CSMD3: variants seen among roughly 807,000 people sequenced by gnomAD.
CSMD3 encodes the protein CUB and sushi domain-containing protein 3.
Under a neutral mutation model 435.2 loss-of-function variants are expected in CSMD3, and 177 were observed. That is an observed-to-expected ratio of 0.41 (90% CI 0.36 to 0.46). The LOEUF (loss-of-function observed/expected upper bound fraction) is 0.46, where lower values mean the gene tolerates loss of function less well. Among genes scored for constraint, CSMD3 ranks in the 20% least tolerant of loss-of-function variants. The probability of loss-of-function intolerance (pLI) is 0.34; values close to 1 mark genes in which losing one functional copy is unlikely to be tolerated. For synonymous variants in CSMD3, 1,656 were observed against 1,520.5 expected (o/e 1.09, Z -2.07); for missense variants, 4,265 against 4,504.6 (o/e 0.95, Z 1.52).
intron 53 of CSMD3, among the ~76,000 whole-genome samples, chr8:112,300,859 T>TAGCCAC (rs756721817): frequency 9.9e-5 from 15 of 152,190 alleles, no homozygotes; most frequent in Non-Finnish European, 2.1e-4. Flanking sequence ...TCAAGCTTAT[T>TAGCCAC]AGCCACACAA....
At chr8:112,743,856 A>G (rs2077369690) in intron 13 of CSMD3, among the ~76,000 whole-genome samples, 1 of 152,044 alleles carries the variant, frequency 6.6e-6, no homozygotes, top group South Asian at 2.1e-4. Flanking sequence ...CAAGTAAGAC[A>G]ATTGCCTCTC....
intron 32 of CSMD3, among the ~76,000 whole-genome samples, chr8:112,410,714 A>ATG (rs1490097312): frequency 2.1e-4 from 22 of 106,386 alleles, no homozygotes; most frequent in East Asian, 5.2e-4. Flanking sequence ...ATATATATAT[A>ATG]TGTATATATA....
intron 17 of CSMD3, among the ~76,000 whole-genome samples, chr8:112,662,365 G>T (rs1297768919): frequency 8.5e-5 from 13 of 152,090 alleles, no homozygotes; most frequent in African/African-American, 3.1e-4. Context: ...CAGAAATAAT[G>T]CCACATATCT....
intron 27 of CSMD3, among the ~76,000 whole-genome samples, chr8:112,530,189 A>G (rs1825385140): frequency 6.6e-6 from 1 of 152,180 alleles, no homozygotes; most frequent in East Asian, 1.9e-4. Flanking sequence ...TATTTACATT[A>G]TGAGAGTGTC....
At chr8:112,850,367 A>G (rs541841804) in intron 11 of CSMD3, among the ~76,000 whole-genome samples, 22 of 152,286 alleles carry the variant, frequency 1.4e-4, no homozygotes, top group Admixed American at 1.4e-3. Context: ...AATATACAAT[A>G]TTCTTGATTA....
intron 12 of CSMD3, among the ~76,000 whole-genome samples, chr8:112,828,665 G>A (rs930941444): frequency 3.9e-5 from 6 of 152,070 alleles, no homozygotes; most frequent in Non-Finnish European, 5.9e-5. Flanking sequence ...GTGTGAAAAC[G>A]AACTAATAAT....
chr8:113,092,613 G>A (rs1697852069), intron 5 of CSMD3, among the ~76,000 whole-genome samples: 2 of 152,100 alleles, frequency 1.3e-5, no homozygotes. Flanking sequence ...CTTTGTTTAA[G>A]AGGTAGCTGA....
rs1011715741 is a variant in CSMD3 at position 112,283,259 on chromosome 8, AT to A, written c.9332-1910del. On this transcript the variant is annotated intron_variant, in intron 58 of 70. Transcript: ENST00000297405. ...AACATAATACATGTTTGTAAATTGA[AT>A]TTTTTTTTGTGATGCATCTTTATAG... Among the ~76,000 whole-genome samples the A allele has an allele frequency of 7.3e-5, 11 of 151,238 alleles. No individual in the cohort carries two copies. The East Asian group carries it at 7.8e-4, about 11-fold the overall frequency.
intron 2 of CSMD3, among the ~76,000 whole-genome samples, chr8:113,281,319 T>C (rs185510511): frequency 2.0e-4 from 31 of 152,024 alleles, no homozygotes; most frequent in Non-Finnish European, 4.0e-4. Context: ...CTTAAGTCTA[T>C]TGGTATCTGT....
chr8:112,263,676 C>G lies in CSMD3; in HGVS notation c.9825G>C (p.Gly3275=), dbSNP rs1483398830. The change falls in exon 61 of 71, where the codon GGG becomes GGC. Residue 3275 remains glycine (G), a synonymous_variant. Transcript: ENST00000297405. ...GTACTTCACCACTCCAGGTACCATT[C>G]CCTACACAGGTCAAAACAGCAGGGA... The part of the protein sequence containing the change: ...LSFPAVLTCV[G]NGTWSGEVPQ... 1 of 1,613,578 alleles carries G rather than the reference C, an allele frequency of 6.2e-7. No homozygotes were observed. The highest frequency in any genetic ancestry group is 1.3e-5 in the African/African-American group (1 of 74,876).
intron 65 of CSMD3, 96 bp from the exon 66 acceptor site, chr8:112,241,881 CA>C: frequency 1.2e-6 from 1 of 807,364 alleles, no homozygotes; most frequent in Non-Finnish European, 2.2e-6. Flanking sequence ...CAGTGTGATG[CA>C]CTGTCCATTT....
At chr8:112,425,359 A>G (rs1309094024) in intron 32 of CSMD3, among the ~76,000 whole-genome samples, 7 of 152,208 alleles carry the variant, frequency 4.6e-5, no homozygotes, top group Non-Finnish European at 1.5e-5. Context: ...TAATTTATAG[A>G]TTCAGCAACT....
intron 23 of CSMD3, among the ~76,000 whole-genome samples, chr8:112,579,535 T>C (rs1830188915): frequency 6.6e-6 from 1 of 152,058 alleles, no homozygotes; most frequent in Non-Finnish European, 1.5e-5. Context: ...AAAAATTATA[T>C]GTATTGCTCT....
intron 4 of CSMD3, among the ~76,000 whole-genome samples, chr8:113,123,526 T>C (rs1245955285): frequency 6.6e-6 from 1 of 152,066 alleles, no homozygotes; most frequent in Non-Finnish European, 1.5e-5. Flanking sequence ...TGCATTCTTA[T>C]TAGTAGAAAA....
Position 112,244,682 on chromosome 8 carries a change from A to G in CSMD3, c.10223-109T>C, listed in dbSNP as rs541383627. The G allele has an allele frequency of 1.1e-5, 8 of 702,414 alleles. No individual in the cohort carries two copies. The East Asian group carries it at 1.9e-4, about 17-fold the overall frequency. 43.5% of individuals were successfully genotyped at this position (702,414 alleles called of 1,614,324 possible). A position where few individuals can be genotyped will look rare whatever the true frequency, so the allele number is the denominator to read the frequency against. Reference sequence around the variant, plus strand: ...TATACTTCAATGCCTTTATATACATATATCTTAGAATAATTATTCTAATAA... The same window carrying G: ...TATACTTCAATGCCTTTATATACATGTATCTTAGAATAATTATTCTAATAA... On this transcript the variant is annotated intron_variant, in intron 64 of 70. Transcript: ENST00000297405.
In CSMD3 at chr8:112,473,913, T is replaced by A. The variant is rs143130168; in HGVS notation, c.5279-1206A>T. ...ACTGTAGGTTTTTTAGGGCGCCTTC[T>A]GAGGGTAGGGCTGAGCCTGTTGCCG... On this transcript the variant is annotated intron_variant, in intron 31 of 70. Transcript: ENST00000297405. 3.7e-3 allele frequency among the ~76,000 whole-genome samples: 569 copies of A among 152,112 alleles called. 5 individuals carry two copies. The highest frequency in any genetic ancestry group is 0.013 in the African/African-American group (539 of 41,510).
At chr8:112,648,804 T>C (rs2075049557) in intron 19 of CSMD3, among the ~76,000 whole-genome samples, 1 of 152,166 alleles carries the variant, frequency 6.6e-6, no homozygotes, top group East Asian at 1.9e-4. Context: ...ACCTTGTAGC[T>C]TTATTAGGGT....
intron 12 of CSMD3, among the ~76,000 whole-genome samples, chr8:112,803,111 T>A (rs2132342762): frequency 6.6e-6 from 1 of 152,164 alleles, no homozygotes; most frequent in East Asian, 1.9e-4. Context: ...TTATTCTTGG[T>A]GGAAACTTAA....
chr8:113,078,462 T>C (rs1285658795), intron 5 of CSMD3, among the ~76,000 whole-genome samples: 1 of 152,182 alleles, frequency 6.6e-6, no homozygotes, highest in African/African-American at 2.4e-5. Flanking sequence ...TGCTCTAAAA[T>C]ACTGTTACAT....
Sources: gnomAD v4.1 joint callset for allele counts (sites outside exome capture counted in the v4.1 genomes callset) on GRCh38, gnomAD v4.1.1 for gene constraint, MANE v1.5 for transcripts, NCBI Gene and HGNC (gene_info 2026-07-23, HGNC 2026-07-21) for gene names.